Variants in AP4E1 observed in about 807,000 individuals in gnomAD.
AP4E1 encodes adaptor related protein complex 4 subunit epsilon 1.
A neutral mutation model predicts 128.2 loss-of-function variants in AP4E1; 56 were observed. That is an observed-to-expected ratio of 0.44 (90% CI 0.35 to 0.55). The LOEUF is 0.55. Ranked by LOEUF, AP4E1 falls within the 20% of genes least tolerant of loss-of-function variation. The pLI is 0.00. For missense variants in AP4E1, 1,324 were observed against 1,307.7 expected (o/e 1.01, Z -0.19); for synonymous variants, 484 against 473.1 (o/e 1.02, Z -0.30).
At chr15:50,993,702 T>C (rs907965931) in intron 17 of AP4E1, 77 bp downstream of exon 17, 16 of 1,574,596 alleles carry the variant, frequency 1.0e-5, no homozygotes, top group Non-Finnish European at 1.3e-5. Flanking sequence ...TAAAAGCTCC[T>C]GGCTGTCGTC....
chr15:51,001,062 C>T lies in AP4E1; in HGVS notation c.3132C>T (p.Leu1044=), dbSNP rs2064956007. The change falls in exon 20 of 21, where the codon CTC becomes CTT. Residue 1044 remains leucine, a synonymous_variant. Coordinates refer to ENST00000261842, the MANE Select transcript of AP4E1 (RefSeq NM_007347.5). The part of the protein sequence containing the change: ...LKISSDDFGK[L]WLSFANDVKQ... ...TCTCAAGTGACGACTTTGGGAAACT[C>T]TGGTTATCCTTCGCAAATGATGTGA... The T allele has an allele frequency of 3.1e-6, 5 of 1,613,268 alleles. No individual in the cohort carries two copies. The African/African-American group carries it at 4.0e-5, about 13-fold the overall frequency.
chr15:50,958,577 CTG>C lies in AP4E1; in HGVS notation c.1638_1639del (p.Ser547PhefsTer22). ...CTCTACAAGTTACTTATGAATGACTCTGTGTCTTCAGAAACAAAAGCCTGGTT... is the reference window on the plus strand; with the variant it reads ...CTCTACAAGTTACTTATGAATGACTCTGTCTTCAGAAACAAAAGCCTGGTT... On this transcript the variant is annotated frameshift_variant, in exon 14 of 21. Transcript: ENST00000261842. LOFTEE classifies it high-confidence loss of function. The C allele has an allele frequency of 3.7e-6, 6 of 1,614,134 alleles. No individual in the cohort carries two copies. The highest frequency in any genetic ancestry group is 4.2e-6 in the Non-Finnish European group (5 of 1,180,018).
At chr15:50,907,678 A>G (rs776643835), upstream of AP4E1, among the ~76,000 whole-genome samples, 2 of 152,204 alleles carry the variant, frequency 1.3e-5, no homozygotes, top group African/African-American at 4.8e-5. Flanking sequence ...CAGCTAGTCA[A>G]TCGTCATCTA....
At chr15:50,985,525 A>C (rs1428551798) in intron 16 of AP4E1, among the ~76,000 whole-genome samples, 1 of 152,204 alleles carries the variant, frequency 6.6e-6, no homozygotes, top group Non-Finnish European at 1.5e-5. Context: ...AGCTTTCTAC[A>C]TGTGGCTAGC....
At chr15:50,971,329 G>A (rs1031722095) in intron 15 of AP4E1, among the ~76,000 whole-genome samples, 2 of 152,108 alleles carry the variant, frequency 1.3e-5, no homozygotes, top group African/African-American at 4.8e-5. Flanking sequence ...GCCTAATGGG[G>A]ATTCCCTTAT....
chr15:51,004,481 G>T lies in AP4E1; in HGVS notation c.*1819G>T, dbSNP rs1024625384. ...TGAGAGCACATGGACAGCTACCAGGGAGATCTGTTGCTTGGTTACAGGGTG... is the reference window on the plus strand; with the variant it reads ...TGAGAGCACATGGACAGCTACCAGGTAGATCTGTTGCTTGGTTACAGGGTG... On this transcript the variant is annotated 3_prime_UTR_variant, in exon 21 of 21. Transcript: ENST00000261842. 6.6e-6 allele frequency: 1 copy of T among 152,286 alleles called. No homozygotes were observed. Among genetic ancestry groups the T allele is most frequent in the African/African-American group, 2.4e-5 (1 of 41,456 alleles). The allele number at this position is 152,286 out of a possible 1,614,324, so 9.4% of individuals were successfully genotyped here.
At chr15:50,952,189 A>G (rs963277699) in intron 13 of AP4E1, among the ~76,000 whole-genome samples, 8 of 152,172 alleles carry the variant, frequency 5.3e-5, no homozygotes, top group African/African-American at 1.7e-4. Flanking sequence ...TATGAATGAC[A>G]TAAGTATAAA....
chr15:50,921,297 A>G (rs987557444), intron 3 of AP4E1, among the ~76,000 whole-genome samples: 3 of 152,046 alleles, frequency 2.0e-5, no homozygotes, highest in African/African-American at 7.2e-5. Context: ...AGTGCTCATA[A>G]AGTTAGGTGT....
chr15:50,989,504 C>T lies in AP4E1; in HGVS notation c.2091-3866C>T, dbSNP rs1399637698. Reference sequence around the variant, plus strand: ...TTTCTTATCTTTTTTTTTTTTCCTGCTCTGTTAACCTCCTTATTTTCTTTC... The same window carrying T: ...TTTCTTATCTTTTTTTTTTTTCCTGTTCTGTTAACCTCCTTATTTTCTTTC... On this transcript the variant is annotated intron_variant, in intron 16 of 20. Transcript: ENST00000261842. Among the ~76,000 whole-genome samples, 4 of 150,320 alleles carry T rather than the reference C, an allele frequency of 2.7e-5. No homozygotes were observed. The East Asian group carries it at 7.8e-4, about 29-fold the overall frequency.
chr15:50,915,851 T>G (rs1282571875), intron 3 of AP4E1: 2 of 337,666 alleles, frequency 5.9e-6, no homozygotes, highest in Non-Finnish European at 1.1e-5. Flanking sequence ...ACCATACACT[T>G]AAATATTTTT....
At chr15:50,987,025 G>T (rs1026115955) in intron 16 of AP4E1, among the ~76,000 whole-genome samples, 2 of 152,148 alleles carry the variant, frequency 1.3e-5, no homozygotes, top group African/African-American at 2.4e-5. Context: ...CTTCTTCCTG[G>T]TTTAGCCTTG....
At position 50,935,454 on chromosome 15, in the gene AP4E1, C is replaced by CA. The variant is rs530331131; in HGVS notation, c.943+764dup. Among the ~76,000 whole-genome samples, 4 of 151,740 alleles carry CA rather than the reference C, an allele frequency of 2.6e-5. No homozygotes were observed. In the South Asian group the frequency reaches 8.3e-4, roughly 31 times the overall value. ...GGGGGTAGAAAACTGAGAAAGTAGC[C>CA]AAAAAAACTTCCAATTTTAACAGCC... On this transcript the variant is annotated intron_variant, in intron 8 of 20. Coordinates refer to ENST00000261842, the MANE Select transcript of AP4E1 (RefSeq NM_007347.5).
chr15:50,931,797 G>C (rs1194352519), intron 7 of AP4E1, among the ~76,000 whole-genome samples: 2 of 151,918 alleles, frequency 1.3e-5, no homozygotes, highest in Non-Finnish European at 2.9e-5. Flanking sequence ...TTAGCTTGAA[G>C]CCATACAAAA....
At chr15:50,997,103 G>GT (rs2064886676) in intron 17 of AP4E1, among the ~76,000 whole-genome samples, 1 of 152,192 alleles carries the variant, frequency 6.6e-6, no homozygotes, top group South Asian at 2.1e-4. Context: ...GATTCCATGT[G>GT]TTTTTTATGA....
rs1389763756 is a variant in AP4E1 at position 50,993,668 on chromosome 15, T to C, written c.2346+43T>C. On this transcript the variant is annotated intron_variant, in intron 17 of 20. Coordinates refer to ENST00000261842, the MANE Select transcript of AP4E1 (RefSeq NM_007347.5). The stretch of plus-strand genomic sequence containing the variant: ...TTCCTGTAAGAATCTTTGTCATCTG[T>C]CTGTACAAAAAAAACTGGCTCTATA... 3 of 1,611,906 alleles carry C rather than the reference T, an allele frequency of 1.9e-6. No individual in the cohort carries two copies. In the African/African-American group the frequency reaches 4.0e-5, roughly 22 times the overall value.
intron 5 of AP4E1, among the ~76,000 whole-genome samples, chr15:50,926,060 T>C (rs1432135820): frequency 1.3e-5 from 2 of 152,168 alleles, no homozygotes; most frequent in African/African-American, 4.8e-5. Context: ...CTTATCAGAC[T>C]GACTTACTTT....
chr15:50,992,351 C>G (rs865955740), intron 16 of AP4E1, among the ~76,000 whole-genome samples: 1 of 152,076 alleles, frequency 6.6e-6, no homozygotes, highest in Non-Finnish European at 1.5e-5. Context: ...GTCAGTGCCC[C>G]AACCCTCTCC....
At chr15:50,946,812 C>T (rs934111612) in intron 10 of AP4E1, among the ~76,000 whole-genome samples, 4 of 152,154 alleles carry the variant, frequency 2.6e-5, no homozygotes, top group Admixed American at 6.5e-5. Flanking sequence ...TGGGAGCTTA[C>T]TCTGGTATTG....
chr15:50,942,118 T>C (rs1201973376), intron 10 of AP4E1, among the ~76,000 whole-genome samples: 2 of 152,166 alleles, frequency 1.3e-5, no homozygotes, highest in Non-Finnish European at 2.9e-5. Context: ...GGTTTCACCA[T>C]ATTGGCCAGG....
Sources: gnomAD v4.1 joint callset for allele counts (sites outside exome capture counted in the v4.1 genomes callset) on GRCh38, gnomAD v4.1.1 for gene constraint, MANE v1.5 for transcripts, NCBI Gene and HGNC (gene_info 2026-07-23, HGNC 2026-07-21) for gene names.